The following PHF3 variants were observed in gnomAD, a reference collection of about 807,000 sequenced individuals.
The protein encoded by PHF3 is PHD finger protein 3.
A neutral mutation model predicts 178.4 loss-of-function variants in PHF3; 41 were observed. That is an observed-to-expected ratio of 0.23 (90% CI 0.18 to 0.30). The LOEUF is 0.30. Ranked by LOEUF, PHF3 falls within the 10% of genes least tolerant of loss-of-function variation. The pLI is 1.00. For synonymous variants in PHF3, 842 were observed against 800.5 expected (o/e 1.05, Z -0.88); for missense variants, 2,346 against 2,398.1 (o/e 0.98, Z 0.45).
rs762014785 is a variant in PHF3, at chr6:63,684,163, C to T, written c.441C>T (p.Ala147=). The T allele has an allele frequency of 6.2e-7, 1 of 1,612,196 alleles. No individual in the cohort carries two copies. Among genetic ancestry groups the T allele is most frequent in the Admixed American group, 1.7e-5 (1 of 59,668 alleles). The change falls in exon 4 of 16, where the codon GCC becomes GCT. Residue 147 remains alanine (A), a synonymous_variant. Transcript: ENST00000262043. ...GAAGTTTGCGACAGAGCACTATTGC[C>T]AAGCGTTCAAATGCAGCACCATTAA... The part of the protein sequence containing the change: ...QVRSLRQSTI[A]KRSNAAPLSN...
intron 2 of PHF3, among the ~76,000 whole-genome samples, chr6:63,672,747 T>C (rs1765975303): frequency 6.6e-6 from 1 of 152,192 alleles, no homozygotes; most frequent in African/African-American, 2.4e-5. Context: ...GCAGACAGAT[T>C]AGAAACCTAA....
intron 1 of PHF3, among the ~76,000 whole-genome samples, chr6:63,644,286 A>G (rs538091705): frequency 1.3e-5 from 2 of 152,282 alleles, no homozygotes; most frequent in South Asian, 2.1e-4. Context: ...ATTGGATTCC[A>G]GTATGTTCAG....
chr6:63,712,841 GC>G lies in PHF3; in HGVS notation c.5254del (p.His1752ThrfsTer9). ...TTTTAATGCAAAATATTGAAACTGT[GC>G]ACCCATTTCGAAGAGGATCAGCAGT... ...DILMQNIETVHPFRRGSAVAT... is the reference protein window; with the variant it reads ...DILMQNIETVXPFRRGSAVAT... On this transcript the variant is annotated frameshift_variant, in exon 16 of 16. Transcript: ENST00000262043. LOFTEE classifies it high-confidence loss of function. 6.2e-7 allele frequency: 1 copy of G among 1,613,944 alleles called. No homozygotes were observed. The highest frequency in any genetic ancestry group is 8.5e-7 in the Non-Finnish European group (1 of 1,179,942).
At chr6:63,707,723 G>A (rs191942277) in intron 13 of PHF3, among the ~76,000 whole-genome samples, 1 of 139,606 alleles carries the variant, frequency 7.2e-6, no homozygotes, top group African/African-American at 2.7e-5. Context: ...TCATTTGCCT[G>A]TCTTTTTTTT....
chr6:63,642,179 T>G (rs1160821230), intron 1 of PHF3, among the ~76,000 whole-genome samples: 2 of 152,220 alleles, frequency 1.3e-5, no homozygotes, highest in Non-Finnish European at 2.9e-5. Context: ...TTATAAATGG[T>G]CCATCAGGAC....
In PHF3 at chr6:63,709,233, G is replaced by A. The variant is rs1444378299; in HGVS notation, c.3794G>A (p.Gly1265Glu). The A allele has an allele frequency of 6.2e-7, 1 of 1,606,220 alleles. No individual in the cohort carries two copies. Among genetic ancestry groups the A allele is most frequent in the Non-Finnish European group, 8.5e-7 (1 of 1,174,554 alleles). Residue 1265 changes from glycine (G) to glutamate (E), a missense_variant, in exon 14 of 16, where the codon GGA becomes GAA. Transcript: ENST00000262043. Reference sequence around the variant, plus strand: ...TATGTGGAAAAAATAAAAGCATCAGGAACCAAGGTGAGGAAAACTTTTTTC... The same window carrying A: ...TATGTGGAAAAAATAAAAGCATCAGAAACCAAGGTGAGGAAAACTTTTTTC... Reference protein sequence around the residue: ...WDYVEKIKASGTKEICVVRFT... With the variant: ...WDYVEKIKASETKEICVVRFT...
intron 2 of PHF3, among the ~76,000 whole-genome samples, chr6:63,655,575 T>C (rs1482602062): frequency 6.6e-6 from 1 of 152,198 alleles, no homozygotes. Flanking sequence ...TTTCTTTTTA[T>C]AAAAAGAAAT....
intron 5 of PHF3, among the ~76,000 whole-genome samples, chr6:63,694,100 C>G (rs1003903825): frequency 6.6e-6 from 1 of 152,094 alleles, no homozygotes; most frequent in African/African-American, 2.4e-5. Context: ...TAATTTCTCC[C>G]AAGGATCTCA....
chr6:63,690,006 G>T (rs77645879), intron 4 of PHF3, among the ~76,000 whole-genome samples: 2 of 152,092 alleles, frequency 1.3e-5, no homozygotes. Flanking sequence ...CCATTGTTAG[G>T]AAAGCTACAA....
intron 2 of PHF3, among the ~76,000 whole-genome samples, chr6:63,649,579 G>C (rs1423450112): frequency 6.6e-6 from 1 of 152,022 alleles, no homozygotes; most frequent in Non-Finnish European, 1.5e-5. Context: ...ATAGTGATTT[G>C]GATTGTATTT....
intron 2 of PHF3, among the ~76,000 whole-genome samples, chr6:63,673,020 T>A (rs1432389841): frequency 2.6e-5 from 4 of 152,216 alleles, no homozygotes; most frequent in African/African-American, 9.7e-5. Flanking sequence ...GCCTGATTCA[T>A]GAGTTGTTCA....
In PHF3 at chr6:63,646,735, C is replaced by T. The variant is rs1215062433; in HGVS notation, c.184C>T (p.Gln62Ter). 1 of 1,611,202 alleles carries T rather than the reference C, an allele frequency of 6.2e-7. No individual in the cohort carries two copies. Among genetic ancestry groups the T allele is most frequent in the African/African-American group, 1.3e-5 (1 of 74,518 alleles). ...TCCTATGCTAGGATCTGCAAGTAAC[C>T]AGTTCTGTTTGCCTGTTTTGGATAG... ...KDPMLGSASN[Q>*]FCLPVLDSND... Residue 62 changes from glutamine to a stop codon, truncating the protein, a stop_gained, in exon 2 of 16, where the codon CAG becomes TAG. Coordinates refer to ENST00000262043, the MANE Select transcript of PHF3 (RefSeq NM_001370348.2). LOFTEE classifies it high-confidence loss of function.
intron 3 of PHF3, among the ~76,000 whole-genome samples, chr6:63,683,647 C>T (rs1009486598): frequency 1.3e-5 from 2 of 152,060 alleles, no homozygotes; most frequent in African/African-American, 4.8e-5. Flanking sequence ...TATTTTGAAA[C>T]TCGCACAGAT....
intron 2 of PHF3, among the ~76,000 whole-genome samples, chr6:63,654,510 A>G (rs181078823): frequency 5.3e-5 from 8 of 152,344 alleles, no homozygotes; most frequent in African/African-American, 1.9e-4. Context: ...ATGAATGTGG[A>G]GTATGTTTTG....
At position 63,721,465 on chromosome 6, in the gene PHF3, G is replaced by A; in HGVS notation, c.*7757G>A. 1 of 1,551,444 alleles carries A rather than the reference G, an allele frequency of 6.4e-7. No individual in the cohort carries two copies. The highest frequency in any genetic ancestry group is 2.0e-5 in the Admixed American group (1 of 50,970). On this transcript the variant is annotated 3_prime_UTR_variant, in exon 16 of 16. Transcript: ENST00000262043. ...CCAAATTCAGTTAATTGTAATTCTT[G>A]ATTATTTATGATAACTTGTCGGATA...
intron 4 of PHF3, among the ~76,000 whole-genome samples, chr6:63,691,068 C>T (rs1766978080): frequency 6.6e-6 from 1 of 152,096 alleles, no homozygotes; most frequent in South Asian, 2.1e-4. Context: ...ATCTAAAACA[C>T]ATGGTCATTA....
intron 2 of PHF3, among the ~76,000 whole-genome samples, chr6:63,676,825 G>A (rs144224630): frequency 2.9e-3 from 445 of 152,336 alleles, no homozygotes; most frequent in African/African-American, 0.01. Flanking sequence ...GGGGATGGCA[G>A]TAGAGAAACC....
intron 2 of PHF3, among the ~76,000 whole-genome samples, chr6:63,651,516 C>G (rs1220276839): frequency 2.6e-5 from 4 of 152,162 alleles, no homozygotes; most frequent in African/African-American, 7.2e-5. Flanking sequence ...GGCCTGCCAC[C>G]ATGCCCAGCT....
At chr6:63,659,453 TTTCTC>T (rs1765374605) in intron 2 of PHF3, among the ~76,000 whole-genome samples, 2 of 152,162 alleles carry the variant, frequency 1.3e-5, no homozygotes, top group Non-Finnish European at 2.9e-5. Flanking sequence ...ACCCAGCTCT[TTTCTC>T]TTAAGGGATT....
Sources: gnomAD v4.1 joint callset for allele counts (sites outside exome capture counted in the v4.1 genomes callset) on GRCh38, gnomAD v4.1.1 for gene constraint, MANE v1.5 for transcripts, NCBI Gene and HGNC (gene_info 2026-07-23, HGNC 2026-07-21) for gene names.